The following BCL2L1 variants were observed in gnomAD, a reference collection of about 807,000 sequenced individuals.
BCL2L1 encodes BCL2 like 1.
A neutral mutation model predicts 18.7 loss-of-function variants in BCL2L1; 1 was observed. That is an observed-to-expected ratio of 0.05 (90% confidence interval 0.02 to 0.25). The LOEUF (loss-of-function observed/expected upper bound fraction) is 0.25. Among genes scored for constraint, BCL2L1 ranks in the 10% least tolerant of loss-of-function variants. The pLI, the probability that BCL2L1 is intolerant of heterozygous loss-of-function variation, is 1.00. For synonymous variants in BCL2L1, 103 were observed against 122.7 expected, an observed-to-expected ratio of 0.84 and a Z score of 1.06; for missense variants, 207 against 304.9, an observed-to-expected ratio of 0.68 and a Z score of 2.39.
intron 2 of BCL2L1, among the ~76,000 whole-genome samples, chr20:31,710,131 G>A (rs1236658698): frequency 1.3e-5 from 2 of 152,182 alleles, no homozygotes; most frequent in African/African-American, 4.8e-5. Context: ...ACAAATATTT[G>A]CTAAGTGCCT....
intron 2 of BCL2L1, among the ~76,000 whole-genome samples, chr20:31,673,815 GAGA>G (rs1227823058): frequency 5.9e-5 from 9 of 152,164 alleles, no homozygotes; most frequent in Non-Finnish European, 1.3e-4. Flanking sequence ...ATATTCACTT[GAGA>G]GATTATTTTT....
intron 2 of BCL2L1, among the ~76,000 whole-genome samples, chr20:31,702,325 C>A (rs2061289434): frequency 6.6e-6 from 1 of 152,124 alleles, no homozygotes; most frequent in Non-Finnish European, 1.5e-5. Context: ...ACACAGGCCT[C>A]AGAGGTTGGT....
intron 2 of BCL2L1, among the ~76,000 whole-genome samples, chr20:31,712,447 A>T (rs1331888313): frequency 6.6e-6 from 1 of 152,266 alleles, no homozygotes; most frequent in African/African-American, 2.4e-5. Context: ...AATGGCTGGC[A>T]TAGAGTAAGC....
intron 2 of BCL2L1, among the ~76,000 whole-genome samples, chr20:31,683,538 G>A (rs985239765): frequency 2.0e-5 from 3 of 152,140 alleles, no homozygotes; most frequent in Non-Finnish European, 4.4e-5. Flanking sequence ...GGAGAACGAG[G>A]CAGGTGGATC....
intron 2 of BCL2L1, among the ~76,000 whole-genome samples, chr20:31,689,272 GGAGGGC>G (rs374064010): frequency 1.5e-5 from 1 of 68,670 alleles, no homozygotes; most frequent in Non-Finnish European, 2.9e-5. Flanking sequence ...AAGGGGAGGG[GGAGGGC>G]AGGGGAGGGG....
At position 31,720,465 on chromosome 20, in the gene BCL2L1, A is replaced by G. The variant is rs1288453972; in HGVS notation, c.564+1190T>C. The G allele has an allele frequency of 4.6e-6, 4 of 877,436 alleles. No homozygotes were observed. The Admixed American group carries it at 1.9e-4, about 41-fold the overall frequency. The allele number at this position is 877,436 out of a possible 1,614,324, so 54.4% of individuals were successfully genotyped here. A position where few individuals can be genotyped will look rare whatever the true frequency, so the allele number is the denominator to read the frequency against. On this transcript the variant is annotated intron_variant, in intron 2 of 2. Coordinates refer to ENST00000307677, the MANE Select transcript of BCL2L1 (RefSeq NM_138578.3). Reference sequence around the variant, plus strand: ...CATAAAACCTGCACCTCCGCTAGGTAGGGAGATAAGCAAGAAAACAGGACT... The same window carrying G: ...CATAAAACCTGCACCTCCGCTAGGTGGGGAGATAAGCAAGAAAACAGGACT...
chr20:31,665,816 G>C lies in BCL2L1; in HGVS notation c.*133C>G. On this transcript the variant is annotated 3_prime_UTR_variant, in exon 3 of 3. Coordinates refer to ENST00000307677, the MANE Select transcript of BCL2L1 (RefSeq NM_138578.3). ...AAACTAGCTGCAAGGGACCAGATCTGGGCCCAACCCTGTGATGGGCAGGTG... is the reference window on the plus strand; with the variant it reads ...AAACTAGCTGCAAGGGACCAGATCTCGGCCCAACCCTGTGATGGGCAGGTG... The C allele has an allele frequency of 1.6e-6, 2 of 1,230,080 alleles. No homozygotes were observed. The highest frequency in any genetic ancestry group is 2.3e-6 in the Non-Finnish European group (2 of 881,304). 76.2% of individuals were successfully genotyped at this position (1,230,080 alleles called of 1,614,324 possible).
intron 2 of BCL2L1, among the ~76,000 whole-genome samples, chr20:31,679,526 T>A (rs1051617274): frequency 6.6e-6 from 1 of 152,166 alleles, no homozygotes; most frequent in East Asian, 1.9e-4. Context: ...AGCAAGACAC[T>A]TTCCCCCTCC....
rs1600830209 is a variant in BCL2L1 at position 31,690,982 on chromosome 20, C to T, written c.565-24896G>A. ...TGGCCAACATGGTGAAACCCCGTCTCTACTAAAAATATAAAAAAAATTAGC... is the reference window on the plus strand; with the variant it reads ...TGGCCAACATGGTGAAACCCCGTCTTTACTAAAAATATAAAAAAAATTAGC... On this transcript the variant is annotated intron_variant, in intron 2 of 2. Transcript: ENST00000307677. Among the ~76,000 whole-genome samples the T allele has an allele frequency of 2.7e-5, 4 of 150,712 alleles. No individual in the cohort carries two copies. In the South Asian group the frequency reaches 8.4e-4, roughly 32 times the overall value.
intron 2 of BCL2L1, chr20:31,720,921 A>G (rs1173098477): frequency 2.0e-6 from 2 of 985,304 alleles, no homozygotes; most frequent in Non-Finnish European, 2.4e-6. Context: ...AACCGACCCC[A>G]GGCAATGAGG....
chr20:31,720,011 T>C (rs2122853656), intron 2 of BCL2L1: 1 of 846,034 alleles, frequency 1.2e-6, no homozygotes, highest in Non-Finnish European at 1.4e-6. Context: ...GAGAGGTCAC[T>C]GCACAAACCA....
chr20:31,669,951 T>G (rs6060599), intron 2 of BCL2L1, among the ~76,000 whole-genome samples: 56,307 of 152,070 alleles, frequency 0.37, 12,576 homozygotes, highest in African/African-American at 0.61. Flanking sequence ...AGATGCCTGA[T>G]ATTTAAAGCA....
intron 2 of BCL2L1, among the ~76,000 whole-genome samples, chr20:31,706,696 G>C (rs529478598): frequency 6.6e-6 from 1 of 152,202 alleles, no homozygotes; most frequent in Non-Finnish European, 1.5e-5. Flanking sequence ...ATAAGATATT[G>C]CTTCTACTCA....
At chr20:31,700,621 T>A (rs944167896) in intron 2 of BCL2L1, among the ~76,000 whole-genome samples, 5 of 152,192 alleles carry the variant, frequency 3.3e-5, no homozygotes, top group African/African-American at 1.2e-4. Context: ...ACATTGACTC[T>A]CCTACTGGGA....
At chr20:31,719,149 C>T (rs899052467) in intron 2 of BCL2L1, among the ~76,000 whole-genome samples, 2 of 150,984 alleles carry the variant, frequency 1.3e-5, no homozygotes, top group East Asian at 1.9e-4. Flanking sequence ...AGGTACCATG[C>T]GTGGCTTATG....
intron 2 of BCL2L1, among the ~76,000 whole-genome samples, chr20:31,721,154 G>A (rs555019325): frequency 3.3e-5 from 5 of 152,168 alleles, no homozygotes; most frequent in Non-Finnish European, 7.3e-5. Flanking sequence ...TGCCATACAC[G>A]CAAACTTTGA....
chr20:31,685,758 G>A (rs558217906), intron 2 of BCL2L1, among the ~76,000 whole-genome samples: 3 of 152,234 alleles, frequency 2.0e-5, no homozygotes, highest in South Asian at 2.1e-4. Context: ...AGGGAGCAGT[G>A]GAGTGTAAGG....
intron 2 of BCL2L1, among the ~76,000 whole-genome samples, chr20:31,693,335 C>T (rs1224248243): frequency 6.6e-6 from 1 of 151,556 alleles, no homozygotes; most frequent in Non-Finnish European, 1.5e-5. Context: ...AAAAAATTAG[C>T]TACTTGGCAG....
intron 2 of BCL2L1, among the ~76,000 whole-genome samples, chr20:31,706,657 T>G (rs1008003254): frequency 6.6e-6 from 1 of 152,244 alleles, no homozygotes; most frequent in Non-Finnish European, 1.5e-5. Flanking sequence ...GGGAAGTAAC[T>G]TGTCCAAATT....
Sources: gnomAD v4.1 joint callset for allele counts (sites outside exome capture counted in the v4.1 genomes callset) on GRCh38, gnomAD v4.1.1 for gene constraint, MANE v1.5 for transcripts, NCBI Gene and HGNC (gene_info 2026-07-23, HGNC 2026-07-21) for gene names.